GRIP1: variants seen among roughly 807,000 people sequenced by gnomAD.
GRIP1 encodes the protein glutamate receptor-interacting protein 1.
GRIP1 carries 45 observed loss-of-function variants against 129.9 expected under a neutral mutation model. The ratio of observed to expected loss-of-function variants is 0.35; its 90% CI spans 0.27 to 0.44. The LOEUF (loss-of-function observed/expected upper bound fraction) is 0.44, where lower values mean the gene tolerates loss of function less well. GRIP1 is among the 20% of genes least tolerant of loss of function. The pLI is 1.00. For missense variants in GRIP1, 1,196 were observed against 1,396.8 expected, an observed-to-expected ratio of 0.86 and a Z score of 2.29; for synonymous variants, 530 against 520.8, an observed-to-expected ratio of 1.02 and a Z score of -0.24.
upstream of GRIP1, among the ~76,000 whole-genome samples, chr12:66,683,108 G>A (rs184266307): frequency 1.8e-4 from 27 of 151,384 alleles, no homozygotes; most frequent in South Asian, 4.2e-4. Context: ...CAAATCTTCC[G>A]GGTATTTTAA....
At chr12:66,914,290 C>G (rs1297820830) in intron 1 of GRIP1, among the ~76,000 whole-genome samples, 5 of 152,108 alleles carry the variant, frequency 3.3e-5, no homozygotes, top group Non-Finnish European at 7.4e-5. Flanking sequence ...ACCTATTTTG[C>G]TGTTGTTAAC....
chr12:66,583,178 T>C (rs1490243741), intron 2 of GRIP1, among the ~76,000 whole-genome samples: 2 of 151,156 alleles, frequency 1.3e-5, no homozygotes, highest in African/African-American at 2.4e-5. Context: ...ATTTAATAAA[T>C]GGTGCTGGGA....
intron 5 of GRIP1, among the ~76,000 whole-genome samples, chr12:66,520,153 C>T (rs759366612): frequency 2.6e-4 from 40 of 152,210 alleles, no homozygotes; most frequent in Non-Finnish European, 4.0e-4. Flanking sequence ...GCAATATCTT[C>T]TCTTTCCTGA....
At chr12:66,564,902 C>T (rs150980970) in intron 2 of GRIP1, among the ~76,000 whole-genome samples, 5 of 152,296 alleles carry the variant, frequency 3.3e-5, no homozygotes, top group East Asian at 1.9e-4. Flanking sequence ...TTTTCATGTG[C>T]CTGTTGGCTA....
chr12:66,557,561 G>A (rs1005234486), intron 2 of GRIP1, among the ~76,000 whole-genome samples: 22 of 152,136 alleles, frequency 1.4e-4, no homozygotes, highest in Admixed American at 1.4e-3. Context: ...TAGATCATAT[G>A]TTAGCACAAA....
chr12:66,966,015 T>C (rs944777512), intron 1 of GRIP1, among the ~76,000 whole-genome samples: 1 of 152,208 alleles, frequency 6.6e-6, no homozygotes, highest in Non-Finnish European at 1.5e-5. Context: ...TGTGACTCTA[T>C]GTATTTTGTC....
At chr12:66,712,757 T>C (rs906947083) in intron 1 of GRIP1, among the ~76,000 whole-genome samples, 4 of 152,026 alleles carry the variant, frequency 2.6e-5, no homozygotes, top group Non-Finnish European at 5.9e-5. Context: ...ATTTGTCTTA[T>C]AAACTGTTAG....
At chr12:66,730,222 G>A (rs143662989) in intron 1 of GRIP1, among the ~76,000 whole-genome samples, 16 of 152,014 alleles carry the variant, frequency 1.1e-4, no homozygotes, top group Admixed American at 5.2e-4. Flanking sequence ...TTATTTTACC[G>A]TAAAATTTAA....
At chr12:66,780,173 C>G (rs2038110970) in intron 1 of GRIP1, among the ~76,000 whole-genome samples, 1 of 152,126 alleles carries the variant, frequency 6.6e-6, no homozygotes, top group South Asian at 2.1e-4. Flanking sequence ...GATGATGTAT[C>G]TCACAAACTC....
intron 1 of GRIP1, among the ~76,000 whole-genome samples, chr12:66,789,654 T>C (rs951254832): frequency 2.6e-5 from 4 of 152,174 alleles, no homozygotes; most frequent in African/African-American, 9.6e-5. Context: ...TATTTAAACA[T>C]GTCCTTAAAT....
intron 1 of GRIP1, among the ~76,000 whole-genome samples, chr12:66,906,312 T>G (rs557478302): frequency 6.6e-6 from 1 of 152,004 alleles, no homozygotes; most frequent in African/African-American, 2.4e-5. Context: ...GACACACTTG[T>G]AGTCCCAGCT....
intron 1 of GRIP1, among the ~76,000 whole-genome samples, chr12:67,046,891 T>G (rs2043262370): frequency 6.6e-6 from 1 of 152,202 alleles, no homozygotes; most frequent in Non-Finnish European, 1.5e-5. Context: ...TTATCCTACG[T>G]AGCCATTTTT....
rs1208524584 is a variant in GRIP1 at position 66,463,102 on chromosome 12, A to T, written c.873-9T>A. 1 of 1,612,754 alleles carries T rather than the reference A, an allele frequency of 6.2e-7. No homozygotes were observed. Among genetic ancestry groups the T allele is most frequent in the African/African-American group, 1.3e-5 (1 of 74,896 alleles). On this transcript the variant is annotated splice_polypyrimidine_tract_variant and intron_variant, in intron 8 of 24. Transcript: ENST00000359742. ...CATGCAATGCGCCACATCTACGGAAAGGAGAAATACTCGGTAAGAGGCAGT... is the reference window on the plus strand; with the variant it reads ...CATGCAATGCGCCACATCTACGGAATGGAGAAATACTCGGTAAGAGGCAGT...
At chr12:66,843,112 A>G (rs926724248) in intron 1 of GRIP1, among the ~76,000 whole-genome samples, 10 of 152,124 alleles carry the variant, frequency 6.6e-5, no homozygotes, top group Non-Finnish European at 1.5e-4. Flanking sequence ...AAAAAGACTG[A>G]AGATCAAACC....
At chr12:67,041,596 C>A (rs2043181301) in intron 1 of GRIP1, among the ~76,000 whole-genome samples, 1 of 152,042 alleles carries the variant, frequency 6.6e-6, no homozygotes, top group African/African-American at 2.4e-5. Context: ...GTGGGTGATC[C>A]TCAGCAAAAT....
chr12:66,748,457 A>G (rs1265325833), intron 1 of GRIP1, among the ~76,000 whole-genome samples: 1 of 152,218 alleles, frequency 6.6e-6, no homozygotes, highest in Admixed American at 6.5e-5. Context: ...GTAATCCCTA[A>G]TCTCACATGG....
At chr12:66,429,053 G>A (rs936251493) in intron 14 of GRIP1, among the ~76,000 whole-genome samples, 13 of 152,164 alleles carry the variant, frequency 8.5e-5, no homozygotes, top group African/African-American at 3.1e-4. Context: ...ATCAATAAAA[G>A]CAATGCCTGG....
chr12:66,888,984 A>G (rs1215871330), intron 1 of GRIP1, among the ~76,000 whole-genome samples: 1 of 152,230 alleles, frequency 6.6e-6, no homozygotes, highest in African/African-American at 2.4e-5. Context: ...TAAAGAAGCA[A>G]TGCTAGAAGA....
At chr12:66,801,922 T>G (rs1379358099) in intron 1 of GRIP1, among the ~76,000 whole-genome samples, 3 of 152,110 alleles carry the variant, frequency 2.0e-5, no homozygotes, top group Non-Finnish European at 4.4e-5. Context: ...AACGTTTAAA[T>G]TATGCCAAAA....
Sources: gnomAD v4.1 joint callset for allele counts (sites outside exome capture counted in the v4.1 genomes callset) on GRCh38, gnomAD v4.1.1 for gene constraint, MANE v1.5 for transcripts, NCBI Gene and HGNC (gene_info 2026-07-23, HGNC 2026-07-21) for gene names.